Variants in ZNF563 observed in about 807,000 individuals in gnomAD.
ZNF563 encodes the protein zinc finger protein 563.
Under a neutral mutation model 48.5 loss-of-function variants are expected in ZNF563, and 39 were observed. That is an observed-to-expected ratio of 0.80 (90% CI 0.62 to 1.05). The LOEUF is 1.05. ZNF563 is among the 50% of genes least tolerant of loss of function. The pLI is 0.00. For missense variants in ZNF563, 538 were observed against 597.0 expected (o/e 0.90, Z 1.03); for synonymous variants, 168 against 187.9 (o/e 0.89, Z 0.87).
the ZNF563 span, among the ~76,000 whole-genome samples, chr19:12,342,174 C>T: frequency 6.6e-6 from 1 of 151,912 alleles, no homozygotes. Flanking sequence ...CATGCCATCA[C>T]ACCTGGCTAA....
At chr19:12,329,843 G>A (rs934858849) in intron 1 of ZNF563, among the ~76,000 whole-genome samples, 1 of 152,128 alleles carries the variant, frequency 6.6e-6, no homozygotes. Flanking sequence ...AATACTTATG[G>A]AAGAAATGAT....
At chr19:12,342,000 T>C in the ZNF563 span, among the ~76,000 whole-genome samples, 1 of 152,222 alleles carries the variant, frequency 6.6e-6, no homozygotes, top group Non-Finnish European at 1.5e-5. Context: ...TTCTAAAAAC[T>C]GAGATAATAA....
intron 1 of ZNF563, among the ~76,000 whole-genome samples, chr19:12,325,180 G>A (rs1968757188): frequency 6.6e-6 from 1 of 152,096 alleles, no homozygotes; most frequent in Admixed American, 6.5e-5. Flanking sequence ...ACAGCAGACT[G>A]TAATTAAGAC....
chr19:12,318,519 G>T lies in ZNF563; in HGVS notation c.*75C>A. ...GCTTTCCCACATTTACATTTATAGG[G>T]TTTCTGTCCAGTGTAAGTTTATTCA... On this transcript the variant is annotated 3_prime_UTR_variant, in exon 4 of 4. Transcript: ENST00000293725. The T allele has an allele frequency of 6.8e-7, 1 of 1,462,476 alleles. No homozygotes were observed. Among genetic ancestry groups the T allele is most frequent in the Non-Finnish European group, 9.3e-7 (1 of 1,077,784 alleles). 90.6% of individuals were successfully genotyped at this position (1,462,476 alleles called of 1,614,324 possible).
the ZNF563 span, among the ~76,000 whole-genome samples, chr19:12,343,377 C>T: frequency 6.6e-6 from 1 of 152,090 alleles, no homozygotes; most frequent in Non-Finnish European, 1.5e-5. Context: ...AGGAGCATTG[C>T]TTGAACCCAG....
chr19:12,319,328 C>T lies in ZNF563; in HGVS notation c.697G>A (p.Ala233Thr). ...KPYECKQCSK[A>T]FPFYSSYRRH... Reference sequence around the variant, plus strand: ...CGATAGGAACTGTAAAAAGGAAAGGCTTTAGAACACTGCTTACATTCATAC... The same window carrying T: ...CGATAGGAACTGTAAAAAGGAAAGGTTTTAGAACACTGCTTACATTCATAC... Residue 233 changes from alanine to threonine, a missense_variant, in exon 4 of 4, where the codon GCC becomes ACC. By Grantham distance (58) the Ala-to-Thr change is moderately conservative (BLOSUM62 0). Transcript: ENST00000293725. The T allele has an allele frequency of 6.2e-7, 1 of 1,613,966 alleles. No individual in the cohort carries two copies. The highest frequency in any genetic ancestry group is 8.5e-7 in the Non-Finnish European group (1 of 1,179,994).
chr19:12,336,799 G>A (rs886267677), upstream of ZNF563, among the ~76,000 whole-genome samples: 1 of 152,112 alleles, frequency 6.6e-6, no homozygotes, highest in Non-Finnish European at 1.5e-5. Flanking sequence ...GGATGGACAT[G>A]TCCCATTTAT....
At chr19:12,329,472 C>CAA (rs754295632) in intron 1 of ZNF563, among the ~76,000 whole-genome samples, 14,786 of 75,540 alleles carry the variant, frequency 0.2, 1,039 homozygotes, top group African/African-American at 0.23. Context: ...GACTCCATCT[C>CAA]AAAAAAAAAA....
Position 12,328,604 on chromosome 19 carries a change from G to C in ZNF563, c.3+4876C>G, listed in dbSNP as rs138393968. 1.5e-3 allele frequency among the ~76,000 whole-genome samples: 227 copies of C among 151,922 alleles called. 4 individuals are homozygous for C. Among genetic ancestry groups the C allele is most frequent in the Admixed American group, 0.013 (199 of 15,230 alleles). ...CCTGACCAACATGGAGAAACCCCGT[G>C]TCTACTAAAAATACAAATAGCCGGG... On this transcript the variant is annotated intron_variant, in intron 1 of 3. Coordinates refer to ENST00000293725, the MANE Select transcript of ZNF563 (RefSeq NM_145276.3).
At chr19:12,331,273 A>C (rs1968909408) in intron 1 of ZNF563, among the ~76,000 whole-genome samples, 1 of 152,112 alleles carries the variant, frequency 6.6e-6, no homozygotes. Flanking sequence ...AACACAGACA[A>C]GTCTCATTCA....
rs754023869 is a variant in ZNF563 at position 12,318,718 on chromosome 19, A to C, written c.1307T>G (p.Phe436Cys). 6.2e-7 allele frequency: 1 copy of C among 1,614,056 alleles called. No individual in the cohort carries two copies. Among genetic ancestry groups the C allele is most frequent in the Non-Finnish European group, 8.5e-7 (1 of 1,180,040 alleles). The part of the protein sequence containing the change: ...CGKALSHSSS[F>C]RRHMVMHTGD... The stretch of plus-strand genomic sequence containing the variant: ...CGTATGCATTACCATATGTCTTCGA[A>C]AGCTTGAGCTATGAGATAACGCTTT... Residue 436 changes from phenylalanine (F) to cysteine (C), a missense_variant, in exon 4 of 4, where the codon TTT (phenylalanine) becomes TGT (cysteine). Transcript: ENST00000293725.
Sources: allele counts gnomAD v4.1 joint callset (sites outside exome capture counted in the v4.1 genomes callset), GRCh38; gene constraint gnomAD v4.1.1; transcripts MANE v1.5; gene names NCBI Gene and HGNC (gene_info 2026-07-23, HGNC 2026-07-21).